Variants in GPAM observed in about 807,000 individuals in gnomAD.
The protein encoded by GPAM is glycerol-3-phosphate acyltransferase 1, mitochondrial.
A neutral mutation model predicts 105.0 loss-of-function variants in GPAM; 56 were observed. The observed-to-expected ratio is 0.53, with a 90% confidence interval of 0.43 to 0.67. The LOEUF is 0.67. GPAM is among the 30% of genes least tolerant of loss of function. The probability of loss-of-function intolerance (pLI) is 0.00; values close to 1 mark genes in which losing one functional copy is unlikely to be tolerated. For missense variants in GPAM, 855 were observed against 989.8 expected, an observed-to-expected ratio of 0.86 and a Z score of 1.83; for synonymous variants, 368 against 354.4, an observed-to-expected ratio of 1.04 and a Z score of -0.43.
At chr10:112,186,589 A>AGTGCAGTG (rs1159465528), upstream of GPAM, among the ~76,000 whole-genome samples, 1 of 151,806 alleles carries the variant, frequency 6.6e-6, no homozygotes, top group Non-Finnish European at 1.5e-5. Flanking sequence ...CCCAGGCTGG[A>AGTGCAGTG]GTGCAGTGGT....
At chr10:112,209,633 C>T (rs1051068429) in intron 1 of GPAM, among the ~76,000 whole-genome samples, 10 of 152,140 alleles carry the variant, frequency 6.6e-5, no homozygotes, top group Admixed American at 5.2e-4. Flanking sequence ...TTCCCATAGC[C>T]AAGTCCTAGC....
Position 112,157,378 on chromosome 10 carries a change from C to T in GPAM, c.1992G>A (p.Gln664=), listed in dbSNP as rs1391417309. The change falls in exon 19 of 22, where the codon CAG becomes CAA. Residue 664 remains glutamine (Q), a synonymous_variant. Coordinates refer to ENST00000348367, the MANE Select transcript of GPAM (RefSeq NM_001244949.2). ...GILTVAEHDD[Q]EDISPSLAEQ... ...CAGCAAGACTAGGACTGATATCTTC[C>T]TGGTCATCGTGCTAGGCCAAGGAGA... is the stretch of plus-strand genomic sequence containing the variant. The T allele has an allele frequency of 1.9e-6, 3 of 1,613,970 alleles. No homozygotes were observed. The highest frequency in any genetic ancestry group is 1.7e-6 in the Non-Finnish European group (2 of 1,179,848).
At chr10:112,209,745 C>T (rs899804799) in intron 1 of GPAM, among the ~76,000 whole-genome samples, 7 of 152,178 alleles carry the variant, frequency 4.6e-5, no homozygotes, top group African/African-American at 1.7e-4. Context: ...TTACTAGCAG[C>T]CTTCAGGGTT....
At chr10:112,163,678 A>G (rs1394925763) in intron 14 of GPAM, 23 bp downstream of exon 14, 1 of 1,040,600 alleles carries the variant, frequency 9.6e-7, no homozygotes, top group Non-Finnish European at 1.5e-6. Flanking sequence ...TTGTAGAATT[A>G]AAGAGTCTGG....
rs1316518252 is a variant in GPAM, at chr10:112,151,523, A to G, written c.*2027T>C. The G allele has an allele frequency of 3.0e-6, 3 of 985,662 alleles. No homozygotes were observed. Among genetic ancestry groups the G allele is most frequent in the Admixed American group, 1.2e-4 (2 of 16,258 alleles). 61.1% of individuals were successfully genotyped at this position (985,662 alleles called of 1,614,324 possible). The stretch of plus-strand genomic sequence containing the variant: ...AGTTAAGTGGTGAGAGAGCTAGCAA[A>G]TCATACATTGCATTCCCCAAAGCAT... On this transcript the variant is annotated 3_prime_UTR_variant, in exon 22 of 22. Coordinates refer to ENST00000348367, the MANE Select transcript of GPAM (RefSeq NM_001244949.2).
chr10:112,185,805 G>C (rs1045395147), upstream of GPAM, among the ~76,000 whole-genome samples: 4 of 151,774 alleles, frequency 2.6e-5, no homozygotes, highest in African/African-American at 9.7e-5. Flanking sequence ...AAAAAAACTT[G>C]AAAGCATTGT....
intron 1 of GPAM, among the ~76,000 whole-genome samples, chr10:112,204,806 G>A (rs1432656038): frequency 6.8e-6 from 1 of 147,416 alleles, no homozygotes; most frequent in Admixed American, 6.8e-5. Flanking sequence ...AGTGTTGGAA[G>A]TTCTGGCCAG....
intron 1 of GPAM, among the ~76,000 whole-genome samples, chr10:112,213,109 C>G (rs1444561239): frequency 1.3e-5 from 2 of 152,134 alleles, no homozygotes; most frequent in African/African-American, 4.8e-5. Flanking sequence ...GGTCAGTGCT[C>G]AATAGGCCCA....
At chr10:112,172,383 CA>C in intron 8 of GPAM, 65 bp from the exon 9 acceptor site, 1 of 1,327,354 alleles carries the variant, frequency 7.5e-7, no homozygotes, top group Non-Finnish European at 1.1e-6. Context: ...TTTGCAACTG[CA>C]TATTTGGCTA....
Position 112,151,115 on chromosome 10 carries a change from T to G in GPAM, c.*2435A>C, listed in dbSNP as rs989793461. 4.2e-6 allele frequency: 4 copies of G among 950,302 alleles called. No homozygotes were observed. Among genetic ancestry groups the G allele is most frequent in the Admixed American group, 6.4e-5 (1 of 15,650 alleles). The allele number at this position is 950,302 out of a possible 1,614,324, so 58.9% of individuals were successfully genotyped here. A position where few individuals can be genotyped will look rare whatever the true frequency, so the allele number is the denominator to read the frequency against. ...GCAGTTTCATGTTGTTTAATATTGT[T>G]TTTTTTTTTTAACTTGACCACAGTC... On this transcript the variant is annotated 3_prime_UTR_variant, in exon 22 of 22. Coordinates refer to ENST00000348367, the MANE Select transcript of GPAM (RefSeq NM_001244949.2).
At chr10:112,194,342 A>G (rs1380321621) in intron 1 of GPAM, among the ~76,000 whole-genome samples, 2 of 152,250 alleles carry the variant, frequency 1.3e-5, no homozygotes, top group African/African-American at 4.8e-5. Context: ...GTCGTAATGT[A>G]GAATGAAGAG....
chr10:112,158,409 A>G lies in GPAM; in HGVS notation c.1903-16T>C. 6.7e-7 allele frequency: 1 copy of G among 1,498,106 alleles called. No individual in the cohort carries two copies. The highest frequency in any genetic ancestry group is 1.4e-5 in the African/African-American group (1 of 72,816). 92.8% of individuals were successfully genotyped at this position (1,498,106 alleles called of 1,614,324 possible). On this transcript the variant is annotated splice_polypyrimidine_tract_variant and intron_variant, in intron 17 of 21. Coordinates refer to ENST00000348367, the MANE Select transcript of GPAM (RefSeq NM_001244949.2). ...TCTGGCAAGGCTGAAAAGAAAATTC[A>G]TTTAAATATAAATGCCACCATTTTA...
At chr10:112,222,603 C>T in the GPAM span, among the ~76,000 whole-genome samples, 1 of 152,180 alleles carries the variant, frequency 6.6e-6, no homozygotes, top group Non-Finnish European at 1.5e-5. Context: ...ATGGGAACAT[C>T]TCAGGCTTTC....
rs903474511 is a variant in GPAM, at chr10:112,181,718, T to G, written c.67A>C (p.Ser23Arg). The G allele has an allele frequency of 6.2e-7, 1 of 1,609,212 alleles. No homozygotes were observed. The highest frequency in any genetic ancestry group is 8.5e-7 in the Non-Finnish European group (1 of 1,175,614). The change falls in exon 3 of 22, where the codon AGT (serine) becomes CGT (arginine). Residue 23 changes from serine to arginine, a missense_variant. Physicochemically the swap from Ser to Arg is moderately radical, Grantham distance 110. Transcript: ENST00000348367. The part of the protein sequence containing the change: ...VSYLPHSSEY[S>R]VGRCKHTSEE... ...CTTGTGTGCTTACATCGACCAACAC[T>G]GTATTCTGATGAATGTGGCAGATAA...
intron 1 of GPAM, among the ~76,000 whole-genome samples, chr10:112,192,074 T>G (rs754588681): frequency 1.3e-5 from 2 of 152,160 alleles, no homozygotes; most frequent in Non-Finnish European, 2.9e-5. Flanking sequence ...CTGCTTGGCT[T>G]CCGCACAACA....
At chr10:112,211,485 T>C (rs1847910629) in intron 1 of GPAM, among the ~76,000 whole-genome samples, 7 of 152,332 alleles carry the variant, frequency 4.6e-5, no homozygotes, top group South Asian at 2.1e-4. Context: ...CGAGGCGGGC[T>C]ATTAAGGATT....
chr10:112,180,470 T>G lies in GPAM; in HGVS notation c.225+3A>C. The G allele has an allele frequency of 6.2e-7, 1 of 1,613,632 alleles. No homozygotes were observed. The highest frequency in any genetic ancestry group is 8.5e-7 in the Non-Finnish European group (1 of 1,179,554). ...TAGGGTCAATAAGCAGTAAGGTTCT[T>G]ACCCAGCTCTGGGGAGTGCAGGAGT... On this transcript the variant is annotated splice_donor_region_variant and intron_variant, in intron 4 of 21. Transcript: ENST00000348367.
chr10:112,215,467 G>A (rs938510047), upstream of GPAM: 5 of 152,216 alleles, frequency 3.3e-5, no homozygotes, highest in Non-Finnish European at 7.3e-5. Flanking sequence ...GCTGAGCTTG[G>A]CCAGCCAATC....
At chr10:112,161,843 T>C in intron 14 of GPAM, 106 bp from the exon 15 acceptor site, 1 of 804,238 alleles carries the variant, frequency 1.2e-6, no homozygotes, top group Admixed American at 2.0e-5. Context: ...ACTGTGAAAG[T>C]CTTCTATCAC....
Sources: gnomAD v4.1 joint callset for allele counts (sites outside exome capture counted in the v4.1 genomes callset) on GRCh38, gnomAD v4.1.1 for gene constraint, MANE v1.5 for transcripts, NCBI Gene and HGNC (gene_info 2026-07-23, HGNC 2026-07-21) for gene names.